The following RAB21 variants were observed in gnomAD, a reference collection of about 807,000 sequenced individuals.
The protein encoded by RAB21 is ras-related protein Rab-21.
In RAB21, 13 loss-of-function variants were observed where a neutral mutation model predicts 33.1. The observed-to-expected ratio is 0.39, with a 90% CI of 0.26 to 0.62. The LOEUF (loss-of-function observed/expected upper bound fraction) is 0.62. RAB21 is among the 20% of genes least tolerant of loss of function. The probability of loss-of-function intolerance (pLI) is 0.48; values close to 1 mark genes in which losing one functional copy is unlikely to be tolerated. For missense variants in RAB21, 234 were observed against 279.1 expected (o/e 0.84, Z 1.15); for synonymous variants, 91 against 103.7 (o/e 0.88, Z 0.74).
chr12:71,782,767 T>TA (rs1409923501), intron 6 of RAB21, 109 bp downstream of exon 6: 3 of 720,806 alleles, frequency 4.2e-6, no homozygotes, highest in Non-Finnish European at 6.6e-6. Flanking sequence ...TGGTTCTTTT[T>TA]AAACTATTGA....
intron 1 of RAB21, among the ~76,000 whole-genome samples, chr12:71,756,988 CCT>C (rs765300130): frequency 3.9e-5 from 6 of 152,082 alleles, no homozygotes; most frequent in Admixed American, 6.6e-5. Flanking sequence ...AATTTGAACC[CCT>C]GTCTGACTTC....
intron 3 of RAB21, among the ~76,000 whole-genome samples, chr12:71,771,236 G>A (rs1446043131): frequency 6.6e-6 from 1 of 152,108 alleles, no homozygotes; most frequent in East Asian, 1.9e-4. Flanking sequence ...CACCACATAC[G>A]TATGACTCTT....
chr12:71,758,219 G>A (rs1882816186), intron 1 of RAB21, among the ~76,000 whole-genome samples: 3 of 151,976 alleles, frequency 2.0e-5, no homozygotes, highest in East Asian at 2.0e-4. Context: ...GTTTAGTAGC[G>A]ATGGGATTTT....
Position 71,788,919 on chromosome 12 carries a change from A to T in RAB21, c.*3246A>T, listed in dbSNP as rs1883337117. ...AAAAAAGCATTATGTTATTGTATGA[A>T]ATATAAGTGTTCAGATTTGTTTTGT... On this transcript the variant is annotated 3_prime_UTR_variant, in exon 7 of 7. Transcript: ENST00000261263. 1 of 152,094 alleles carries T rather than the reference A, an allele frequency of 6.6e-6. No homozygotes were observed. Among genetic ancestry groups the T allele is most frequent in the Admixed American group, 6.5e-5 (1 of 15,268 alleles). The allele number at this position is 152,094 out of a possible 1,614,324, so 9.4% of individuals were successfully genotyped here.
At chr12:71,782,151 G>T (rs1883210917) in intron 5 of RAB21, 66 bp downstream of exon 5, 3 of 1,436,386 alleles carry the variant, frequency 2.1e-6, no homozygotes, top group Non-Finnish European at 2.9e-6. Flanking sequence ...TATACGTTTT[G>T]CTTTACCATT....
rs933792102 is a variant in RAB21, at chr12:71,781,924, A to G, written c.392-107A>G. The G allele has an allele frequency of 6.4e-6, 5 of 783,246 alleles. No individual in the cohort carries two copies. In the African/African-American group the frequency reaches 8.8e-5, roughly 14 times the overall value. The allele number at this position is 783,246 out of a possible 1,614,324, so 48.5% of individuals were successfully genotyped here. A position where few individuals can be genotyped will look rare whatever the true frequency, so the allele number is the denominator to read the frequency against. On this transcript the variant is annotated intron_variant, in intron 4 of 6. Transcript: ENST00000261263. Reference sequence around the variant, plus strand: ...CATTAGAAGTCTGGTGGGGATTTGCATTATTTTTGCTGGTAATTAAAATGG... The same window carrying G: ...CATTAGAAGTCTGGTGGGGATTTGCGTTATTTTTGCTGGTAATTAAAATGG...
intron 1 of RAB21, among the ~76,000 whole-genome samples, chr12:71,768,439 T>C (rs1262484498): frequency 6.6e-6 from 1 of 152,136 alleles, no homozygotes; most frequent in Non-Finnish European, 1.5e-5. Flanking sequence ...TGAACTCAGC[T>C]CTCTATTCCT....
At chr12:71,771,801 C>T (rs569721341) in intron 3 of RAB21, among the ~76,000 whole-genome samples, 47 of 152,058 alleles carry the variant, frequency 3.1e-4, no homozygotes, top group Admixed American at 7.2e-4. Context: ...TGGTGAACTC[C>T]CATCTCTACT....
chr12:71,763,376 T>C (rs1378996153), intron 1 of RAB21, among the ~76,000 whole-genome samples: 5 of 152,196 alleles, frequency 3.3e-5, no homozygotes, highest in Admixed American at 2.6e-4. Flanking sequence ...AAACAAGTTA[T>C]GAAAAGACTT....
In RAB21 at chr12:71,790,760, A is replaced by G. The variant is rs988785025; in HGVS notation, c.*5087A>G. On this transcript the variant is annotated 3_prime_UTR_variant, in exon 7 of 7. Coordinates refer to ENST00000261263, the MANE Select transcript of RAB21 (RefSeq NM_014999.4). ...TTTTCACATAAATTGTGTCTTACCC[A>G]TGTGTTTTGCCATTTGCCTTTTCTC... The G allele has an allele frequency of 2.0e-5, 3 of 151,978 alleles. No individual in the cohort carries two copies. The highest frequency in any genetic ancestry group is 7.2e-5 in the African/African-American group (3 of 41,390). The allele number at this position is 151,978 out of a possible 1,614,324, so 9.4% of individuals were successfully genotyped here. A position where few individuals can be genotyped will look rare whatever the true frequency, so the allele number is the denominator to read the frequency against.
In RAB21 at chr12:71,795,695, G is replaced by T. The variant is rs1250836676; in HGVS notation, c.*10022G>T. On this transcript the variant is annotated 3_prime_UTR_variant, in exon 7 of 7. Transcript: ENST00000261263. ...ACTTACATCTCTGCTCTGGTTTTTT[G>T]AAGCTCATTAGGATGATACCTGTCA... 2 of 136,560 alleles carry T rather than the reference G, an allele frequency of 1.5e-5. 1 individual carries two copies. Among genetic ancestry groups the T allele is most frequent in the African/African-American group, 5.9e-5 (2 of 33,766 alleles). The allele number at this position is 136,560 out of a possible 1,614,324, so 8.5% of individuals were successfully genotyped here. A position where few individuals can be genotyped will look rare whatever the true frequency, so the allele number is the denominator to read the frequency against.
intron 1 of RAB21, among the ~76,000 whole-genome samples, 173 bp from the exon 2 acceptor site, chr12:71,769,625 AAT>A (rs1883011836): frequency 6.6e-6 from 1 of 152,148 alleles, no homozygotes; most frequent in Admixed American, 6.5e-5. Flanking sequence ...TTTAGATAAA[AAT>A]GTAAATAATG....
At chr12:71,759,543 G>T (rs998943298) in intron 1 of RAB21, among the ~76,000 whole-genome samples, 1 of 152,220 alleles carries the variant, frequency 6.6e-6, no homozygotes, top group African/African-American at 2.4e-5. Flanking sequence ...CCTTGAGTAA[G>T]AAACAGTTGT....
chr12:71,776,686 T>A (rs1413346837), intron 4 of RAB21, among the ~76,000 whole-genome samples: 7 of 150,752 alleles, frequency 4.6e-5, no homozygotes, highest in Admixed American at 4.6e-4. Flanking sequence ...CTGATTTGAG[T>A]AATAATAAAA....
chr12:71,782,372 T>A (rs1211322381), intron 5 of RAB21, 198 bp from the exon 6 acceptor site: 4 of 515,630 alleles, frequency 7.8e-6, no homozygotes, highest in Non-Finnish European at 1.4e-5. Flanking sequence ...AATTAATCTA[T>A]AAAAATTTCG....
Position 71,755,014 on chromosome 12 carries a change from C to T in RAB21, c.-116C>T, listed in dbSNP as rs1225479603. On this transcript the variant is annotated 5_prime_UTR_variant, in exon 1 of 7. Coordinates refer to ENST00000261263, the MANE Select transcript of RAB21 (RefSeq NM_014999.4). ...CCCGAGGAGGGCGTGGGGACAGCGCCCGGGTCGGCGGGGCCGGGGCGGTGG... is the reference window on the plus strand; with the variant it reads ...CCCGAGGAGGGCGTGGGGACAGCGCTCGGGTCGGCGGGGCCGGGGCGGTGG... 3.1e-6 allele frequency: 3 copies of T among 961,958 alleles called. No homozygotes were observed. Among genetic ancestry groups the T allele is most frequent in the Non-Finnish European group, 3.7e-6 (3 of 804,642 alleles). 59.6% of individuals were successfully genotyped at this position (961,958 alleles called of 1,614,324 possible). A position where few individuals can be genotyped will look rare whatever the true frequency, so the allele number is the denominator to read the frequency against.
rs1378914066 is a variant in RAB21 at position 71,767,006 on chromosome 12, A to G, written c.160-2794A>G. ...GCAGCTTATGAATGATTTTGTGAAA[A>G]GTGCATAGCACAGTACTTGGCACAA... On this transcript the variant is annotated intron_variant, in intron 1 of 6. Transcript: ENST00000261263. Among the ~76,000 whole-genome samples, 4 of 152,300 alleles carry G rather than the reference A, an allele frequency of 2.6e-5. No individual in the cohort carries two copies. The East Asian group carries it at 7.7e-4, about 29-fold the overall frequency.
chr12:71,760,155 A>G (rs1198872058), intron 1 of RAB21, among the ~76,000 whole-genome samples: 1 of 152,224 alleles, frequency 6.6e-6, no homozygotes, highest in Non-Finnish European at 1.5e-5. Context: ...GGGTCATTAT[A>G]TTTAAAATTG....
At chr12:71,784,137 A>T (rs1883245037) in intron 6 of RAB21, among the ~76,000 whole-genome samples, 1 of 152,224 alleles carries the variant, frequency 6.6e-6, no homozygotes. Context: ...GTAAACCATT[A>T]ATCAAGAGCA....
Sources: gnomAD v4.1 joint callset for allele counts (sites outside exome capture counted in the v4.1 genomes callset) on GRCh38, gnomAD v4.1.1 for gene constraint, MANE v1.5 for transcripts, NCBI Gene and HGNC (gene_info 2026-07-23, HGNC 2026-07-21) for gene names.